The following RGS22 variants were observed in gnomAD, a reference collection of about 807,000 sequenced individuals.
The protein encoded by RGS22 is regulator of G protein signaling 22.
A neutral mutation model predicts 172.9 loss-of-function variants in RGS22; 148 were observed. That is an observed-to-expected ratio of 0.86 (90% CI 0.75 to 0.98). RGS22 has a LOEUF of 0.98. Ranked by LOEUF, RGS22 falls within the 50% of genes least tolerant of loss-of-function variation. The probability of loss-of-function intolerance (pLI) is 0.00; values close to 1 mark genes in which losing one functional copy is unlikely to be tolerated. For synonymous variants in RGS22, 458 were observed against 480.2 expected, an observed-to-expected ratio of 0.95 and a Z score of 0.60; for missense variants, 1,347 against 1,440.8, an observed-to-expected ratio of 0.93 and a Z score of 1.05.
chr8:99,967,314 G>A (rs980650653), intron 23 of RGS22, among the ~76,000 whole-genome samples: 9 of 151,928 alleles, frequency 5.9e-5, no homozygotes, highest in Admixed American at 6.6e-5. Flanking sequence ...GGCAGACACC[G>A]AGCTAGCTCC....
chr8:100,076,604 C>T lies in RGS22; in HGVS notation c.339+3530G>A, dbSNP rs114238003. The stretch of plus-strand genomic sequence containing the variant: ...TGGGCCTGGAGTTGTCTTTGTGGCA[C>T]GATTTTAAACTGTGAATCCAACTTC... On this transcript the variant is annotated intron_variant, in intron 4 of 27. Transcript: ENST00000360863. 6.6e-3 allele frequency among the ~76,000 whole-genome samples: 1,006 copies of T among 152,250 alleles called. 13 individuals are homozygous for T. The highest frequency in any genetic ancestry group is 0.022 in the African/African-American group (922 of 41,548).
At chr8:100,027,124 G>A (rs775944850) in intron 14 of RGS22, among the ~76,000 whole-genome samples, 1 of 152,062 alleles carries the variant, frequency 6.6e-6, no homozygotes, top group Non-Finnish European at 1.5e-5. Flanking sequence ...GGAATCATAG[G>A]GGGCACCGAG....
At chr8:100,044,351 A>T (rs1222791388) in intron 11 of RGS22, among the ~76,000 whole-genome samples, 2 of 152,224 alleles carry the variant, frequency 1.3e-5, no homozygotes, top group Non-Finnish European at 2.9e-5. Flanking sequence ...GGTTAAAGGT[A>T]TTCTCCTGCA....
chr8:100,026,217 C>T (rs1162270802), intron 14 of RGS22, among the ~76,000 whole-genome samples: 2 of 134,426 alleles, frequency 1.5e-5, no homozygotes, highest in African/African-American at 5.6e-5. Flanking sequence ...CTACAATGCA[C>T]AACCCAGTAT....
chr8:100,086,594 C>G (rs1812178022), intron 3 of RGS22, among the ~76,000 whole-genome samples: 1 of 151,958 alleles, frequency 6.6e-6, no homozygotes, highest in African/African-American at 2.4e-5. Context: ...GGCTGAAAAA[C>G]TACTGGGTAC....
chr8:100,103,783 C>G (rs1563738245), intron 2 of RGS22, among the ~76,000 whole-genome samples: 2 of 152,162 alleles, frequency 1.3e-5, no homozygotes, highest in Admixed American at 6.5e-5. Context: ...GATAAGAGAA[C>G]TCGGAGACAG....
intron 4 of RGS22, among the ~76,000 whole-genome samples, chr8:100,079,750 T>C (rs1316553278): frequency 6.6e-6 from 1 of 152,072 alleles, no homozygotes; most frequent in African/African-American, 2.4e-5. Flanking sequence ...AGCCACACAA[T>C]GCAACTTGAG....
chr8:100,073,625 T>C (rs941876533), intron 4 of RGS22, among the ~76,000 whole-genome samples: 4 of 152,164 alleles, frequency 2.6e-5, no homozygotes, highest in African/African-American at 9.7e-5. Flanking sequence ...GGCTACACAC[T>C]GACAAGCATG....
chr8:100,056,458 C>A lies in RGS22; in HGVS notation c.1515-3482G>T, dbSNP rs150599351. ...CTCCAGGGCATGTCAGAGACCTTCA[C>A]GGCAGCCCCTCCCATCATAGGCCTG... On this transcript the variant is annotated intron_variant, in intron 9 of 27. Transcript: ENST00000360863. Among the ~76,000 whole-genome samples the A allele has an allele frequency of 7.1e-3, 1,081 of 152,302 alleles. 22 individuals carry two copies. The highest frequency in any genetic ancestry group is 0.025 in the African/African-American group (1,047 of 41,568).
chr8:100,047,112 G>A (rs1300288958), intron 11 of RGS22, among the ~76,000 whole-genome samples: 1 of 152,056 alleles, frequency 6.6e-6, no homozygotes, highest in Admixed American at 6.6e-5. Flanking sequence ...ACCGTGTCTG[G>A]TCAGTAACAA....
chr8:100,038,356 T>C (rs1212397804), intron 14 of RGS22, among the ~76,000 whole-genome samples: 1 of 152,088 alleles, frequency 6.6e-6, no homozygotes, highest in East Asian at 1.9e-4. Flanking sequence ...TTTCCTCCTC[T>C]ATTTGGCTTC....
At chr8:100,009,154 A>G (rs906923841) in intron 14 of RGS22, among the ~76,000 whole-genome samples, 1 of 152,180 alleles carries the variant, frequency 6.6e-6, no homozygotes, top group Non-Finnish European at 1.5e-5. Flanking sequence ...GCAGTGGCTC[A>G]TGCCTGCAAT....
chr8:100,041,352 G>A (rs147103434), intron 12 of RGS22, among the ~76,000 whole-genome samples: 3,129 of 152,140 alleles, frequency 0.021, 106 homozygotes, highest in African/African-American at 0.071. Flanking sequence ...TTAGCCAGGC[G>A]TGGTGGTGTG....
chr8:100,088,370 A>T (rs749797301), intron 3 of RGS22, among the ~76,000 whole-genome samples: 59 of 152,130 alleles, frequency 3.9e-4, no homozygotes, highest in Non-Finnish European at 5.0e-4. Context: ...GGACCAACCT[A>T]AATCTACGTG....
rs190572739 is a variant in RGS22 at position 100,034,559 on chromosome 8, C to T, written c.2166+4372G>A. 2.6e-3 allele frequency among the ~76,000 whole-genome samples: 401 copies of T among 152,258 alleles called. 2 individuals carry two copies. Among genetic ancestry groups the T allele is most frequent in the African/African-American group, 9.3e-3 (388 of 41,542 alleles). ...TACTGTCCAAGGTAATTTATAGATT[C>T]AATGCCATCCCCATCAAGCTACCAA... On this transcript the variant is annotated intron_variant, in intron 14 of 27. Transcript: ENST00000360863.
intron 14 of RGS22, among the ~76,000 whole-genome samples, chr8:100,018,708 C>T (rs1489877245): frequency 2.6e-5 from 4 of 152,176 alleles, no homozygotes; most frequent in Non-Finnish European, 5.9e-5. Context: ...TAAAATACGA[C>T]ATTTCCCATT....
intron 6 of RGS22, among the ~76,000 whole-genome samples, chr8:100,068,161 G>A (rs1421592739): frequency 6.6e-6 from 1 of 152,112 alleles, no homozygotes; most frequent in Non-Finnish European, 1.5e-5. Context: ...GGCTGAGGTT[G>A]GAGGATGGCT....
chr8:100,091,237 G>A (rs1216658096), intron 3 of RGS22, among the ~76,000 whole-genome samples: 1 of 148,268 alleles, frequency 6.7e-6, no homozygotes, highest in Non-Finnish European at 1.5e-5. Context: ...GTAATGTGAA[G>A]AATGGGTAAT....
At chr8:99,998,445 C>T (rs1178634821) in intron 19 of RGS22, among the ~76,000 whole-genome samples, 1 of 152,062 alleles carries the variant, frequency 6.6e-6, no homozygotes, top group Non-Finnish European at 1.5e-5. Context: ...GTGGAACTTT[C>T]CTATAGTCCT....
Sources: gnomAD v4.1 joint callset for allele counts (sites outside exome capture counted in the v4.1 genomes callset) on GRCh38, gnomAD v4.1.1 for gene constraint, MANE v1.5 for transcripts, NCBI Gene and HGNC (gene_info 2026-07-23, HGNC 2026-07-21) for gene names.